SCARA3: variants seen among roughly 807,000 people sequenced by gnomAD.
The protein encoded by SCARA3 is scavenger receptor class A member 3, also known as cellular stress response gene protein.
Under a neutral mutation model 47.0 loss-of-function variants are expected in SCARA3, and 39 were observed. The observed-to-expected ratio is 0.83, with a 90% CI of 0.64 to 1.08. The LOEUF (loss-of-function observed/expected upper bound fraction) is 1.08. Among genes scored for constraint, SCARA3 ranks in the 50% least tolerant of loss-of-function variants. SCARA3 has a pLI of 0.00. For missense variants in SCARA3, 724 were observed against 792.3 expected, an observed-to-expected ratio of 0.91 and a Z score of 1.04; for synonymous variants, 356 against 334.1, an observed-to-expected ratio of 1.07 and a Z score of -0.71.
the SCARA3 span, among the ~76,000 whole-genome samples, chr8:27,729,229 C>A: frequency 6.6e-6 from 1 of 152,332 alleles, no homozygotes; most frequent in African/African-American, 2.4e-5. Flanking sequence ...AAGTTCAGCT[C>A]TTTCAATGCA....
At chr8:27,638,567 T>G (rs1473203934) in intron 1 of SCARA3, among the ~76,000 whole-genome samples, 1 of 152,204 alleles carries the variant, frequency 6.6e-6, no homozygotes, top group Non-Finnish European at 1.5e-5. Context: ...ACATCTGTAC[T>G]GTACCATGGT....
At chr8:27,666,832 A>G (rs2128922881) in intron 5 of SCARA3, among the ~76,000 whole-genome samples, 1 of 149,238 alleles carries the variant, frequency 6.7e-6, no homozygotes. Context: ...CCTCCTCCCT[A>G]TCCAAGCTCA....
chr8:27,683,874 G>T, the SCARA3 span, among the ~76,000 whole-genome samples: 1 of 151,610 alleles, frequency 6.6e-6, no homozygotes. Context: ...AGAGGAGAAC[G>T]ACAATAAAAT....
intron 1 of SCARA3, among the ~76,000 whole-genome samples, chr8:27,644,899 A>T (rs1452350772): frequency 6.6e-6 from 1 of 152,160 alleles, no homozygotes; most frequent in Non-Finnish European, 1.5e-5. Flanking sequence ...TTGAAAAGCA[A>T]TTAACTGGGA....
At chr8:27,719,283 A>G in the SCARA3 span, among the ~76,000 whole-genome samples, 1 of 152,200 alleles carries the variant, frequency 6.6e-6, no homozygotes, top group African/African-American at 2.4e-5. Flanking sequence ...ACAGGAGCAG[A>G]AAACCAAATA....
chr8:27,707,725 G>T, the SCARA3 span, among the ~76,000 whole-genome samples: 3 of 151,062 alleles, frequency 2.0e-5, no homozygotes, highest in Non-Finnish European at 2.9e-5. Flanking sequence ...AACCTGCCAA[G>T]AGCCTGCCAC....
At chr8:27,702,465 G>A in the SCARA3 span, 10 of 152,278 alleles carry the variant, frequency 6.6e-5, no homozygotes, top group African/African-American at 9.6e-5. Flanking sequence ...AACACAAACA[G>A]CCTTCAGGTT....
At chr8:27,661,520 T>G (rs1801912933) in intron 5 of SCARA3, among the ~76,000 whole-genome samples, 1 of 152,132 alleles carries the variant, frequency 6.6e-6, no homozygotes, top group Non-Finnish European at 1.5e-5. Context: ...ACAAAATTGT[T>G]GGCTATACAC....
intron 1 of SCARA3, among the ~76,000 whole-genome samples, chr8:27,637,384 T>C (rs902211556): frequency 4.6e-5 from 7 of 152,210 alleles, no homozygotes; most frequent in African/African-American, 1.7e-4. Context: ...CCTGTGGGGT[T>C]GTTTCCACAC....
chr8:27,684,564 T>C, the SCARA3 span, among the ~76,000 whole-genome samples: 1 of 151,650 alleles, frequency 6.6e-6, no homozygotes, highest in African/African-American at 2.4e-5. Context: ...TACATACCTA[T>C]AGTCCCAGCT....
At chr8:27,719,966 G>T in the SCARA3 span, among the ~76,000 whole-genome samples, 4 of 152,122 alleles carry the variant, frequency 2.6e-5, no homozygotes, top group Admixed American at 6.5e-5. Flanking sequence ...AAGGAACACA[G>T]AGAAAAAGCC....
intron 5 of SCARA3, among the ~76,000 whole-genome samples, chr8:27,670,022 A>G (rs1017995220): frequency 1.3e-5 from 2 of 152,046 alleles, no homozygotes. Context: ...CCAGAAGGAC[A>G]TGAGGTCATC....
At chr8:27,687,837 C>T in the SCARA3 span, among the ~76,000 whole-genome samples, 3 of 151,844 alleles carry the variant, frequency 2.0e-5, no homozygotes, top group Non-Finnish European at 2.9e-5. Context: ...GCTAACATGG[C>T]GAAACCCGTT....
chr8:27,669,155 G>A (rs1260963328), intron 5 of SCARA3, among the ~76,000 whole-genome samples: 1 of 152,182 alleles, frequency 6.6e-6, no homozygotes, highest in East Asian at 1.9e-4. Flanking sequence ...AGGAGGAGGC[G>A]AATGCCCACC....
chr8:27,651,850 C>A (rs1801641047), intron 3 of SCARA3, among the ~76,000 whole-genome samples: 2 of 152,256 alleles, frequency 1.3e-5, no homozygotes, highest in Non-Finnish European at 2.9e-5. Context: ...GGGACCCCTT[C>A]TTTCCCATTG....
chr8:27,715,806 T>TATAG, the SCARA3 span, among the ~76,000 whole-genome samples: 3 of 146,374 alleles, frequency 2.0e-5, no homozygotes, highest in African/African-American at 5.0e-5. The surrounding 1 kb of genome is among the most constrained non-coding windows in gnomAD (Gnocchi z 4.2). Context: ...AGATGACAGA[T>TATAG]ATAGATAGAT....
the SCARA3 span, chr8:27,701,446 T>A: frequency 1.5e-4 from 23 of 152,130 alleles, no homozygotes; most frequent in African/African-American, 2.4e-4. Flanking sequence ...TAGATTTTTT[T>A]AAAATGTTCT....
rs547764791 is a variant in SCARA3 at position 27,642,334 on chromosome 8, A to G, written c.8-7368A>G. On this transcript the variant is annotated intron_variant, in intron 1 of 5. Transcript: ENST00000301904. ...CCTAATAAAAGTGGCTGCTACTACT[A>G]TTTATTAAGCATTTACGATGTACCA... 3.9e-5 allele frequency among the ~76,000 whole-genome samples: 6 copies of G among 152,308 alleles called. No individual in the cohort carries two copies. In the East Asian group the frequency reaches 1.2e-3, roughly 29 times the overall value.
chr8:27,680,024 T>C (rs1266752532), downstream of SCARA3: 1 of 152,094 alleles, frequency 6.6e-6, no homozygotes, highest in Non-Finnish European at 1.5e-5. Context: ...TAGAAAATAT[T>C]TTGAACTGGA....
Sources: gnomAD v4.1 joint callset for allele counts (sites outside exome capture counted in the v4.1 genomes callset) on GRCh38, gnomAD v4.1.1 for gene constraint, Gnocchi (gnomAD v3.1) non-coding constraint, MANE v1.5 for transcripts, NCBI Gene and HGNC (gene_info 2026-07-23, HGNC 2026-07-21) for gene names.